Variants in MYO5B observed in about 807,000 individuals in gnomAD.
MYO5B encodes unconventional myosin-Vb.
Under a neutral mutation model 229.3 loss-of-function variants are expected in MYO5B, and 143 were observed. The ratio of observed to expected loss-of-function variants is 0.62; its 90% confidence interval spans 0.54 to 0.72. The LOEUF is 0.72. Among genes scored for constraint, MYO5B ranks in the 30% least tolerant of loss-of-function variants. The pLI is 0.00. For synonymous variants in MYO5B, 918 were observed against 885.2 expected (o/e 1.04, Z -0.66); for missense variants, 2,321 against 2,331.0 (o/e 1.00, Z 0.09).
At chr18:49,835,261 G>T in intron 39 of MYO5B, 83 bp downstream of exon 39, 1 of 964,692 alleles carries the variant, frequency 1.0e-6, no homozygotes, top group Non-Finnish European at 1.7e-6. Flanking sequence ...TAGTAATAAA[G>T]AGAAGCAAGA....
chr18:49,946,089 C>T (rs2144230926), intron 14 of MYO5B, among the ~76,000 whole-genome samples: 1 of 147,854 alleles, frequency 6.8e-6, no homozygotes, highest in East Asian at 2.0e-4. Context: ...GTTAAATTTA[C>T]AGAAATCATT....
At chr18:50,099,996 C>G (rs1157826152) in intron 1 of MYO5B, among the ~76,000 whole-genome samples, 1 of 152,172 alleles carries the variant, frequency 6.6e-6, no homozygotes, top group African/African-American at 2.4e-5. Flanking sequence ...CCTAAAGCAA[C>G]CTTCAGAGAT....
chr18:50,036,761 C>CT lies in MYO5B; in HGVS notation c.455+88dup, dbSNP rs539669864. On this transcript the variant is annotated intron_variant, in intron 4 of 39. Transcript: ENST00000285039. The stretch of plus-strand genomic sequence containing the variant: ...CCTCAGTCCCAATCTCACCACCTCA[C>CT]TGTGAGCATCAGTTGCAGAGGAAGG... The CT allele has an allele frequency of 3.7e-5, 55 of 1,486,396 alleles. No homozygotes were observed. The East Asian group carries it at 1.2e-3, about 33-fold the overall frequency. 92.1% of individuals were successfully genotyped at this position (1,486,396 alleles called of 1,614,324 possible).
intron 10 of MYO5B, among the ~76,000 whole-genome samples, chr18:49,969,113 G>GT (rs1347350902): frequency 2.0e-5 from 3 of 152,190 alleles, no homozygotes; most frequent in Non-Finnish European, 4.4e-5. Flanking sequence ...AGCCATGCAT[G>GT]TCCTCCCTGA....
intron 25 of MYO5B, 44 bp from the exon 26 acceptor site, chr18:49,875,871 A>T (rs1156427180): frequency 1.2e-6 from 2 of 1,611,154 alleles, no homozygotes; most frequent in East Asian, 2.2e-5. Context: ...TCCTAAATAC[A>T]TGCCTTAGGG....
rs148454478 is a variant in MYO5B at position 49,842,884 on chromosome 18, G to T, written c.4611+357C>A. Among the ~76,000 whole-genome samples, 960 of 152,320 alleles carry T rather than the reference G, an allele frequency of 6.3e-3. 18 individuals carry two copies. Among genetic ancestry groups the T allele is most frequent in the African/African-American group, 0.022 (921 of 41,558 alleles). The stretch of plus-strand genomic sequence containing the variant: ...ATGTTTCAGGGGTGTCCCTGAACTT[G>T]CTCCAGGGTGAGGCCCACACACCCT... On this transcript the variant is annotated intron_variant, in intron 34 of 39. Transcript: ENST00000285039.
chr18:50,075,566 C>A (rs898021603), intron 1 of MYO5B, among the ~76,000 whole-genome samples: 2 of 152,170 alleles, frequency 1.3e-5, no homozygotes. Flanking sequence ...CAGCCCAAGG[C>A]CATGCAGCGA....
intron 21 of MYO5B, among the ~76,000 whole-genome samples, chr18:49,901,611 G>C (rs1214986205): frequency 6.6e-6 from 1 of 152,222 alleles, no homozygotes; most frequent in Non-Finnish European, 1.5e-5. Flanking sequence ...CCATTTTATG[G>C]ATAAGAAAAG....
In MYO5B at chr18:49,980,553, C is replaced by G. The variant is rs971419104; in HGVS notation, c.947G>C (p.Gly316Ala). The change falls in exon 9 of 40, where the codon GGA becomes GCA. Residue 316 changes from glycine to alanine, a missense_variant and splice_region_variant. By Grantham distance (60) the Gly-to-Ala change is moderately conservative. Transcript: ENST00000285039. Reference sequence around the variant, plus strand: ...GCTCATCTGATGGGACTCTTTCACTCCTGGAAAAGAAAAATGAATGGATGA... The same window carrying G: ...GCTCATCTGATGGGACTCTTTCACTGCTGGAAAAGAAAAATGAATGGATGA... ...EKTRQAFTLLGVKESHQMSIF... is the reference protein window; with the variant it reads ...EKTRQAFTLLAVKESHQMSIF... The G allele has an allele frequency of 6.3e-7, 1 of 1,599,724 alleles. No homozygotes were observed. Among genetic ancestry groups the G allele is most frequent in the Non-Finnish European group, 8.6e-7 (1 of 1,167,096 alleles).
At position 49,836,866 on chromosome 18, in the gene MYO5B, C is replaced by T. The variant is rs1234718744; in HGVS notation, c.5158G>A (p.Glu1720Lys). ...MQLRYNISQL[E>K]EWLRGRNLHQ... ...AGGTTTCTTCCCCGAAGCCACTCCT[C>T]AAGCTGACTTATATTGTACCTTAGC... The change falls in exon 38 of 40, where the codon GAG (glutamate) becomes AAG (lysine). Residue 1720 changes from glutamate (E) to lysine (K), a missense_variant. Transcript: ENST00000285039. 1.2e-6 allele frequency: 2 copies of T among 1,613,948 alleles called. No homozygotes were observed. Among genetic ancestry groups the T allele is most frequent in the Non-Finnish European group, 1.7e-6 (2 of 1,179,950 alleles).
chr18:49,995,024 C>A (rs975875002), intron 5 of MYO5B, among the ~76,000 whole-genome samples: 4 of 152,144 alleles, frequency 2.6e-5, no homozygotes, highest in Admixed American at 2.0e-4. Context: ...AAGTCACGTG[C>A]TTGAGGTCAC....
intron 1 of MYO5B, among the ~76,000 whole-genome samples, chr18:50,104,145 C>T (rs1256288687): frequency 2.6e-5 from 3 of 115,186 alleles, no homozygotes; most frequent in Admixed American, 1.0e-4. Context: ...CCAGCCTGGG[C>T]AACAGATGAG....
chr18:50,179,156 C>A (rs1372515528), intron 1 of MYO5B, among the ~76,000 whole-genome samples: 1 of 152,156 alleles, frequency 6.6e-6, no homozygotes, highest in Non-Finnish European at 1.5e-5. Context: ...AAACCACCAG[C>A]CACCACCAGA....
At chr18:49,833,886 G>A (rs919119724) in intron 39 of MYO5B, among the ~76,000 whole-genome samples, 3 of 152,122 alleles carry the variant, frequency 2.0e-5, no homozygotes, top group African/African-American at 4.8e-5. Context: ...TTGTATACAT[G>A]TTGGTGAGTA....
At chr18:49,884,691 G>A (rs1312634642) in intron 22 of MYO5B, among the ~76,000 whole-genome samples, 3 of 152,072 alleles carry the variant, frequency 2.0e-5, no homozygotes, top group South Asian at 2.1e-4. Flanking sequence ...CCTGCTGTGC[G>A]GCCTGGTTCC....
At position 49,894,205 on chromosome 18, in the gene MYO5B, C is replaced by A. The variant is rs189199331; in HGVS notation, c.3045+736G>T. Among the ~76,000 whole-genome samples, 104 of 151,658 alleles carry A rather than the reference C, an allele frequency of 6.9e-4. 3 individuals are homozygous for A. The East Asian group carries it at 0.019, about 28-fold the overall frequency. On this transcript the variant is annotated intron_variant, in intron 22 of 39. Transcript: ENST00000285039. ...CTCCCTCTTAGATCCCCATCCACTGCAACTCCCCATTGATGGACAAACACT... is the reference window on the plus strand; with the variant it reads ...CTCCCTCTTAGATCCCCATCCACTGAAACTCCCCATTGATGGACAAACACT...
rs1273224976 is a variant in MYO5B, at chr18:50,130,118, AGG to A, written c.27+64647_27+64648del. 2.0e-5 allele frequency among the ~76,000 whole-genome samples: 3 copies of A among 152,206 alleles called. No individual in the cohort carries two copies. The East Asian group carries it at 5.8e-4, about 29-fold the overall frequency. On this transcript the variant is annotated intron_variant, in intron 1 of 39. Coordinates refer to ENST00000285039, the MANE Select transcript of MYO5B (RefSeq NM_001080467.3). ...TGCAACCACAGCAAGGCTGAGTGCC[AGG>A]CAGGCCACCAGGAGACTGGGCTGGA...
chr18:49,849,879 C>T, intron 31 of MYO5B: 1 of 568,552 alleles, frequency 1.8e-6, no homozygotes, highest in Admixed American at 2.7e-5. Flanking sequence ...TCCATTCTCT[C>T]AAGGCAAGAC....
chr18:49,936,599 C>G (rs1209843890), intron 15 of MYO5B, among the ~76,000 whole-genome samples: 1 of 152,088 alleles, frequency 6.6e-6, no homozygotes, highest in Non-Finnish European at 1.5e-5. Context: ...CCTAATGTGC[C>G]TAACTCCCAG....
Sources: allele counts gnomAD v4.1 joint callset (sites outside exome capture counted in the v4.1 genomes callset), GRCh38; gene constraint gnomAD v4.1.1; transcripts MANE v1.5; gene names NCBI Gene and HGNC (gene_info 2026-07-23, HGNC 2026-07-21).